Variants in FAR2 observed in about 807,000 individuals in gnomAD.
FAR2 encodes the protein fatty acyl-CoA reductase 2, also known as epididymis secretory protein Li 81.
In FAR2, 19 loss-of-function variants were observed where a neutral mutation model predicts 56.0. The observed-to-expected ratio is 0.34, with a 90% confidence interval of 0.24 to 0.50. FAR2 has a LOEUF of 0.50. Among genes scored for constraint, FAR2 ranks in the 20% least tolerant of loss-of-function variants. FAR2 has a pLI of 0.98. For missense variants in FAR2, 508 were observed against 642.2 expected (o/e 0.79, Z 2.26); for synonymous variants, 219 against 218.8 (o/e 1.00, Z -0.01).
intron 4 of FAR2, among the ~76,000 whole-genome samples, chr12:29,303,908 G>A (rs565346598): frequency 6.6e-6 from 1 of 152,180 alleles, no homozygotes; most frequent in South Asian, 2.1e-4. Context: ...TCAAATGGCA[G>A]GCCATTGGCA....
intron 1 of FAR2, among the ~76,000 whole-genome samples, chr12:29,219,720 GCC>G (rs1947663836): frequency 6.6e-6 from 1 of 152,122 alleles, no homozygotes; most frequent in African/African-American, 2.4e-5. Context: ...AAGTCATTCT[GCC>G]AATGCCCATA....
intron 1 of FAR2, among the ~76,000 whole-genome samples, chr12:29,175,251 C>A (rs548151096): frequency 6.6e-6 from 1 of 152,330 alleles, no homozygotes; most frequent in East Asian, 1.9e-4. Flanking sequence ...CCAGTGGGTT[C>A]TTGGTCTCGC....
intron 4 of FAR2, among the ~76,000 whole-genome samples, chr12:29,299,800 ACT>A (rs35991346): frequency 0.54 from 82,470 of 151,580 alleles, 22,855 homozygotes; most frequent in East Asian, 0.65. Flanking sequence ...TGCACTCGAA[ACT>A]CTGTTTGTCC....
At chr12:29,211,256 A>G (rs1433822133) in intron 1 of FAR2, among the ~76,000 whole-genome samples, 1 of 151,896 alleles carries the variant, frequency 6.6e-6, no homozygotes, top group Non-Finnish European at 1.5e-5. Flanking sequence ...ACGCCACTGC[A>G]CTCCGGCCTG....
At chr12:29,227,649 C>T (rs965449185) in intron 1 of FAR2, among the ~76,000 whole-genome samples, 1 of 152,120 alleles carries the variant, frequency 6.6e-6, no homozygotes, top group Admixed American at 6.5e-5. Flanking sequence ...TTTACCTAGA[C>T]AGAATTGCCT....
intron 11 of FAR2, 143 bp from the exon 12 acceptor site, chr12:29,333,489 A>G (rs1441150978): frequency 1.4e-6 from 1 of 707,970 alleles, no homozygotes; most frequent in East Asian, 2.6e-5. Flanking sequence ...AGACGCAGAA[A>G]CCAATTGGCC....
chr12:29,302,866 A>G (rs889846179), intron 4 of FAR2, among the ~76,000 whole-genome samples: 1 of 152,166 alleles, frequency 6.6e-6, no homozygotes, highest in Admixed American at 6.5e-5. Context: ...GGCAACAGGT[A>G]TAAAAAACAT....
chr12:29,183,533 T>C (rs188468962), intron 1 of FAR2, among the ~76,000 whole-genome samples: 3 of 152,292 alleles, frequency 2.0e-5, no homozygotes, highest in African/African-American at 7.2e-5. Flanking sequence ...TAAGGGAGAT[T>C]TTTGACAACA....
chr12:29,314,852 T>C (rs1949419284), intron 8 of FAR2, among the ~76,000 whole-genome samples: 1 of 152,186 alleles, frequency 6.6e-6, no homozygotes, highest in Admixed American at 6.5e-5. Context: ...TAAATAAATG[T>C]ATTTGTAATG....
In FAR2 at chr12:29,316,826, T is replaced by A; in HGVS notation, c.956-15T>A. On this transcript the variant is annotated splice_polypyrimidine_tract_variant and intron_variant, in intron 8 of 11. Transcript: ENST00000536681. Reference sequence around the variant, plus strand: ...CTCCTTTTCTCCTCTAGCACTTACTTTCTTTTTTCCCCAGGAGTCCAAGTC... The same window carrying A: ...CTCCTTTTCTCCTCTAGCACTTACTATCTTTTTTCCCCAGGAGTCCAAGTC... The A allele has an allele frequency of 6.2e-7, 1 of 1,613,612 alleles. No homozygotes were observed. Among genetic ancestry groups the A allele is most frequent in the Non-Finnish European group, 8.5e-7 (1 of 1,179,752 alleles).
intron 1 of FAR2, among the ~76,000 whole-genome samples, chr12:29,269,623 T>C (rs1028565310): frequency 6.6e-6 from 1 of 152,238 alleles, no homozygotes; most frequent in African/African-American, 2.4e-5. Flanking sequence ...TGTTTAGAGA[T>C]TGCAGTAAAG....
At chr12:29,215,739 A>G (rs1947613935) in intron 1 of FAR2, among the ~76,000 whole-genome samples, 1 of 152,226 alleles carries the variant, frequency 6.6e-6, no homozygotes, top group Admixed American at 6.5e-5. Context: ...CCTATCTTAG[A>G]CACACTGTGG....
At chr12:29,262,718 CAGGA>C (rs989168358) in intron 1 of FAR2, among the ~76,000 whole-genome samples, 8 of 151,962 alleles carry the variant, frequency 5.3e-5, no homozygotes, top group South Asian at 2.1e-4. Flanking sequence ...AAAAGGAAGA[CAGGA>C]AGGAAGGAAG....
At chr12:29,210,601 C>A (rs532303848) in intron 1 of FAR2, among the ~76,000 whole-genome samples, 6 of 152,326 alleles carry the variant, frequency 3.9e-5, no homozygotes, top group South Asian at 2.1e-4. Flanking sequence ...GTTACATATT[C>A]ATTGTGATGC....
intron 1 of FAR2, among the ~76,000 whole-genome samples, chr12:29,256,093 A>G (rs1255295666): frequency 6.6e-6 from 1 of 151,992 alleles, no homozygotes; most frequent in African/African-American, 2.4e-5. Context: ...GCTAGTCATA[A>G]ACTCCTGACC....
chr12:29,242,124 G>T (rs10843356), intron 1 of FAR2, among the ~76,000 whole-genome samples: 2,789 of 152,242 alleles, frequency 0.018, 89 homozygotes, highest in African/African-American at 0.058. Flanking sequence ...TGTGACACAC[G>T]ACTTCAAGAC....
At chr12:29,304,748 CA>C (rs1232003186) in intron 4 of FAR2, among the ~76,000 whole-genome samples, 4 of 152,138 alleles carry the variant, frequency 2.6e-5, no homozygotes, top group African/African-American at 9.7e-5. Context: ...TAGACATATA[CA>C]TACTGCTTTC....
intron 1 of FAR2, among the ~76,000 whole-genome samples, chr12:29,210,769 T>G (rs781453597): frequency 2.6e-5 from 4 of 152,152 alleles, no homozygotes; most frequent in Non-Finnish European, 5.9e-5. Flanking sequence ...CTGGCCAATA[T>G]GCTGGAACCC....
At chr12:29,271,769 G>A (rs887164041) in intron 2 of FAR2, among the ~76,000 whole-genome samples, 2 of 152,172 alleles carry the variant, frequency 1.3e-5, no homozygotes, top group Non-Finnish European at 2.9e-5. Context: ...TTAGTACATG[G>A]CACCTACTAT....
Sources: gnomAD v4.1 joint callset for allele counts (sites outside exome capture counted in the v4.1 genomes callset) on GRCh38, gnomAD v4.1.1 for gene constraint, MANE v1.5 for transcripts, NCBI Gene and HGNC (gene_info 2026-07-23, HGNC 2026-07-21) for gene names.